CSMD2: variants seen among roughly 807,000 people sequenced by gnomAD.
CSMD2 encodes CUB and Sushi multiple domains 2.
In CSMD2, 130 loss-of-function variants were observed where a neutral mutation model predicts 398.5. That is an observed-to-expected ratio of 0.33 (90% CI 0.28 to 0.38). The LOEUF (loss-of-function observed/expected upper bound fraction) is 0.38. Ranked by LOEUF, CSMD2 falls within the 10% of genes least tolerant of loss-of-function variation. The pLI is 1.00. For synonymous variants in CSMD2, 1,828 were observed against 1,908.5 expected (o/e 0.96, Z 1.10); for missense variants, 3,829 against 4,764.9 (o/e 0.80, Z 5.78).
chr1:33,949,477 G>C (rs748491080), intron 3 of CSMD2, among the ~76,000 whole-genome samples: 6 of 152,154 alleles, frequency 3.9e-5, no homozygotes, highest in Non-Finnish European at 8.8e-5. Context: ...AAGACCTCCC[G>C]TACAGCCTAA....
At chr1:33,725,699 T>C (rs887489087) in intron 16 of CSMD2, among the ~76,000 whole-genome samples, 163 bp from the exon 17 acceptor site, 2 of 152,156 alleles carry the variant, frequency 1.3e-5, no homozygotes, top group Non-Finnish European at 2.9e-5. Flanking sequence ...CAGAAGGACC[T>C]TCTCCACTCT....
In CSMD2 at chr1:34,122,235, A is replaced by G. The variant is rs148084791; in HGVS notation, c.188-33042T>C. 9.2e-5 allele frequency among the ~76,000 whole-genome samples: 14 copies of G among 152,246 alleles called. No individual in the cohort carries two copies. In the East Asian group the frequency reaches 2.1e-3, roughly 23 times the overall value. ...TGCTAAACTTCCCATGATGCACAGG[A>G]CAGTGCTCCAGAACAGTGTCCAGCC... On this transcript the variant is annotated intron_variant, in intron 1 of 70. Coordinates refer to ENST00000373381, the MANE Select transcript of CSMD2 (RefSeq NM_001281956.2).
intron 1 of CSMD2, among the ~76,000 whole-genome samples, chr1:34,118,145 G>T (rs546542658): frequency 1.3e-5 from 2 of 152,156 alleles, no homozygotes; most frequent in East Asian, 3.8e-4. Flanking sequence ...GAACCCAGGA[G>T]GCGAAGGTTG....
chr1:33,699,800 A>G (rs945482678), intron 23 of CSMD2, among the ~76,000 whole-genome samples: 1 of 152,174 alleles, frequency 6.6e-6, no homozygotes, highest in Admixed American at 6.5e-5. Context: ...GAACATTTTT[A>G]TCACCTCAAA....
intron 44 of CSMD2, chr1:33,592,381 C>T (rs1639519872): frequency 1.4e-6 from 1 of 715,484 alleles, no homozygotes; most frequent in South Asian, 1.5e-5. Context: ...CATCTGATTG[C>T]CCCTGCTGCA....
chr1:33,903,096 T>C (rs1302801490), intron 5 of CSMD2, among the ~76,000 whole-genome samples: 3 of 152,218 alleles, frequency 2.0e-5, no homozygotes, highest in African/African-American at 7.2e-5. Flanking sequence ...CTTAGCAAAT[T>C]GGCTAATTTT....
chr1:33,714,808 A>C lies in CSMD2; in HGVS notation c.3218-33T>G, dbSNP rs1242677694. The C allele has an allele frequency of 1.9e-6, 3 of 1,608,574 alleles. No individual in the cohort carries two copies. The African/African-American group carries it at 4.0e-5, about 22-fold the overall frequency. ...GGTAGCAGGAGATCCGGGCTCAGAG[A>C]CATTGCGGGGAGACACAAAGCAAAA... On this transcript the variant is annotated intron_variant, in intron 20 of 70. Coordinates refer to ENST00000373381, the MANE Select transcript of CSMD2 (RefSeq NM_001281956.2).
At chr1:33,674,493 T>A (rs942667835) in intron 25 of CSMD2, among the ~76,000 whole-genome samples, 1 of 151,982 alleles carries the variant, frequency 6.6e-6, no homozygotes, top group South Asian at 2.1e-4. Context: ...ACTTAGACTC[T>A]CACACAATAA....
chr1:33,746,240 G>A (rs934014430), intron 13 of CSMD2, among the ~76,000 whole-genome samples: 1 of 152,188 alleles, frequency 6.6e-6, no homozygotes, highest in African/African-American at 2.4e-5. Flanking sequence ...AGCTTTGTGG[G>A]AGTTCAGTTG....
At chr1:33,890,348 A>C (rs1641918612) in intron 5 of CSMD2, among the ~76,000 whole-genome samples, 1 of 149,940 alleles carries the variant, frequency 6.7e-6, no homozygotes, top group African/African-American at 2.5e-5. Context: ...CTCCTGCCTC[A>C]GCCTCCCAAG....
At chr1:33,542,210 G>A (rs1656413113) in intron 58 of CSMD2, among the ~76,000 whole-genome samples, 1 of 152,220 alleles carries the variant, frequency 6.6e-6, no homozygotes, top group Non-Finnish European at 1.5e-5. Context: ...ACCCTTGAGA[G>A]AAGCAAGAAA....
intron 2 of CSMD2, among the ~76,000 whole-genome samples, chr1:34,081,584 G>A (rs979949410): frequency 8.5e-5 from 13 of 152,196 alleles, no homozygotes; most frequent in Admixed American, 8.5e-4. Context: ...ACGCCTGACT[G>A]GTTTTTGTAT....
intron 42 of CSMD2, among the ~76,000 whole-genome samples, chr1:33,604,815 A>C: frequency 3.1e-5 from 1 of 32,066 alleles, no homozygotes; most frequent in South Asian, 1.1e-3. Context: ...CCCTGTGTAG[A>C]AGGAGAGTAT....
At chr1:33,615,227 C>T (rs551542066) in intron 39 of CSMD2, among the ~76,000 whole-genome samples, 2 of 152,344 alleles carry the variant, frequency 1.3e-5, no homozygotes, top group Non-Finnish European at 2.9e-5. Flanking sequence ...TTAGGGACAT[C>T]TGATATGCCA....
At chr1:33,523,518 A>G in intron 66 of CSMD2, 99 bp from the exon 67 acceptor site, 1 of 646,068 alleles carries the variant, frequency 1.5e-6, no homozygotes, top group Non-Finnish European at 2.8e-6. Context: ...ATGGAATTTC[A>G]TGTGTAGATG....
intron 3 of CSMD2, among the ~76,000 whole-genome samples, chr1:33,985,393 C>T (rs1337812803): frequency 1.3e-5 from 2 of 152,172 alleles, no homozygotes; most frequent in African/African-American, 4.8e-5. Flanking sequence ...GGAGGGACTG[C>T]GGTGGGCCAG....
At chr1:34,036,679 G>A (rs975542793) in intron 2 of CSMD2, among the ~76,000 whole-genome samples, 5 of 152,148 alleles carry the variant, frequency 3.3e-5, no homozygotes, top group African/African-American at 1.2e-4. Context: ...CAGTGTGCTG[G>A]TTTTGAGAGT....
intron 1 of CSMD2, among the ~76,000 whole-genome samples, chr1:34,096,893 C>T (rs879858471): frequency 1.4e-5 from 2 of 146,612 alleles, no homozygotes; most frequent in Non-Finnish European, 3.0e-5. Flanking sequence ...CCTTTCTTCA[C>T]AGAATTGGAA....
chr1:33,997,495 T>G (rs1646764355), intron 3 of CSMD2, among the ~76,000 whole-genome samples: 1 of 152,190 alleles, frequency 6.6e-6, no homozygotes, highest in Non-Finnish European at 1.5e-5. Context: ...ATTTGCATGG[T>G]GGGCCTGGCC....
Sources: allele counts gnomAD v4.1 joint callset (sites outside exome capture counted in the v4.1 genomes callset), GRCh38; gene constraint gnomAD v4.1.1; transcripts MANE v1.5; gene names NCBI Gene and HGNC (gene_info 2026-07-23, HGNC 2026-07-21).